Variants in MALRD1 observed in about 807,000 individuals in gnomAD.
MALRD1 encodes the protein MAM and LDL receptor class A domain containing 1.
MALRD1 carries 247 observed loss-of-function variants against 242.1 expected under a neutral mutation model. The ratio of observed to expected loss-of-function variants is 1.02; its 90% CI spans 0.92 to 1.13. The LOEUF (loss-of-function observed/expected upper bound fraction) is 1.13. MALRD1 is among the 50% of genes most tolerant of loss of function. The pLI is 0.00. For missense variants in MALRD1, 2,989 were observed against 2,533.1 expected (o/e 1.18, Z -3.86); for synonymous variants, 995 against 866.6 (o/e 1.15, Z -2.60).
chr10:19,409,087 C>G (rs777654211), intron 28 of MALRD1, among the ~76,000 whole-genome samples: 2 of 152,170 alleles, frequency 1.3e-5, no homozygotes, highest in Admixed American at 6.6e-5. Context: ...ACCCAGATGG[C>G]CTTCAGTGAG....
At chr10:19,097,340 C>A (rs986881599) in intron 4 of MALRD1, among the ~76,000 whole-genome samples, 1 of 151,864 alleles carries the variant, frequency 6.6e-6, no homozygotes, top group Non-Finnish European at 1.5e-5. Flanking sequence ...GAATACATAG[C>A]GGAAAAAAAA....
rs1174673634 is a variant in MALRD1, at chr10:19,148,773, T to TA, written c.1558+2445dup. Among the ~76,000 whole-genome samples, 459 of 114,456 alleles carry TA rather than the reference T, an allele frequency of 4.0e-3. 4 individuals are homozygous for TA. The highest frequency in any genetic ancestry group is 0.011 in the African/African-American group (329 of 30,364). The allele number at this position is 114,456 out of a possible 152,430, so 75.1% of individuals were successfully genotyped here. A position where few individuals can be genotyped will look rare whatever the true frequency, so the allele number is the denominator to read the frequency against. On this transcript the variant is annotated intron_variant, in intron 11 of 39. Transcript: ENST00000454679. The stretch of plus-strand genomic sequence containing the variant: ...CTTTCTCATTTTAGAAAGGGCCAAT[T>TA]AAAAAAAAAAAAAAAATATATATAT...
At chr10:19,407,916 T>C (rs946818668) in intron 28 of MALRD1, among the ~76,000 whole-genome samples, 4 of 152,238 alleles carry the variant, frequency 2.6e-5, no homozygotes, top group East Asian at 1.9e-4. Context: ...AAGCAGAGAG[T>C]TTTGAAACAC....
At chr10:19,674,227 A>T (rs1349108583) in intron 36 of MALRD1, among the ~76,000 whole-genome samples, 1 of 152,224 alleles carries the variant, frequency 6.6e-6, no homozygotes, top group Non-Finnish European at 1.5e-5. Context: ...ATCTCCAGTG[A>T]GTAAGTTCAG....
At position 19,378,006 on chromosome 10, in the gene MALRD1, G is replaced by C. The variant is rs372011300; in HGVS notation, c.4442-9522G>C. On this transcript the variant is annotated intron_variant, in intron 26 of 39. Transcript: ENST00000454679. ...AGAATTCTGTGATTAAAGTAAGCTG[G>C]ACGCACAGATTTTAAAACATAATTG... Among the ~76,000 whole-genome samples, 8 of 152,136 alleles carry C rather than the reference G, an allele frequency of 5.3e-5. No individual in the cohort carries two copies. The East Asian group carries it at 1.5e-3, about 29-fold the overall frequency.
chr10:19,683,367 G>A (rs1404892256), intron 36 of MALRD1, among the ~76,000 whole-genome samples: 2 of 152,232 alleles, frequency 1.3e-5, no homozygotes, highest in Non-Finnish European at 2.9e-5. Flanking sequence ...TGAAGATTGT[G>A]TAGCAAATAG....
At chr10:19,257,548 C>T (rs1839569483) in intron 18 of MALRD1, 136 bp from the exon 19 acceptor site, 1 of 631,648 alleles carries the variant, frequency 1.6e-6, no homozygotes, top group East Asian at 2.9e-5. Flanking sequence ...CTGGAGACTA[C>T]TGCAAAGCAG....
At chr10:19,443,116 A>G (rs953071743) in intron 28 of MALRD1, among the ~76,000 whole-genome samples, 3 of 152,118 alleles carry the variant, frequency 2.0e-5, no homozygotes, top group African/African-American at 7.2e-5. Context: ...AGAGGTGTTT[A>G]TAGTATTCTC....
At chr10:19,255,886 C>A (rs966765960) in intron 18 of MALRD1, among the ~76,000 whole-genome samples, 1 of 151,882 alleles carries the variant, frequency 6.6e-6, no homozygotes, top group African/African-American at 2.4e-5. Flanking sequence ...CTGTTATGGC[C>A]CTCTCTGGGT....
intron 28 of MALRD1, among the ~76,000 whole-genome samples, chr10:19,433,908 A>T (rs1305490049): frequency 6.6e-6 from 1 of 152,086 alleles, no homozygotes; most frequent in African/African-American, 2.4e-5. Context: ...ACACACAGGG[A>T]TATTTATATC....
chr10:19,124,509 T>G lies in MALRD1; in HGVS notation c.797-15T>G. 8.1e-7 allele frequency: 1 copy of G among 1,233,690 alleles called. No homozygotes were observed. The highest frequency in any genetic ancestry group is 3.2e-5 in the East Asian group (1 of 31,694). The allele number at this position is 1,233,690 out of a possible 1,614,324, so 76.4% of individuals were successfully genotyped here. A position where few individuals can be genotyped will look rare whatever the true frequency, so the allele number is the denominator to read the frequency against. On this transcript the variant is annotated splice_polypyrimidine_tract_variant and intron_variant, in intron 6 of 39. Coordinates refer to ENST00000454679, the MANE Select transcript of MALRD1 (RefSeq NM_001142308.3). ...GCAGACTAATAGTCCACCAAGATCT[T>G]TTTCTCCCGTTTAGTGTGTCAGGCC... is the stretch of plus-strand genomic sequence containing the variant.
chr10:19,224,351 A>G (rs1837693523), intron 18 of MALRD1, among the ~76,000 whole-genome samples: 1 of 150,340 alleles, frequency 6.7e-6, no homozygotes, highest in Admixed American at 6.7e-5. Context: ...CAGTGGCACA[A>G]TTTCGGCTCA....
At position 19,734,423 on chromosome 10, in the gene MALRD1, A is replaced by G; in HGVS notation, c.*186A>G. On this transcript the variant is annotated 3_prime_UTR_variant, in exon 40 of 40. Transcript: ENST00000454679. ...AGAATGTTTATATGGAATCAGAATC[A>G]GTACCTTATCTTCACTGAACATCTG... 6.8e-6 allele frequency: 3 copies of G among 443,606 alleles called. No individual in the cohort carries two copies. The highest frequency in any genetic ancestry group is 1.2e-5 in the Non-Finnish European group (3 of 253,532). 27.5% of individuals were successfully genotyped at this position (443,606 alleles called of 1,614,324 possible).
Position 19,104,095 on chromosome 10 carries a change from T to C in MALRD1, c.694+20T>C, listed in dbSNP as rs1256056611. ...CCAATGGTAAGAACTTTTTCTCTCA[T>C]TTTGATCTTTACTGTGTTTAAAGAT... On this transcript the variant is annotated intron_variant, in intron 5 of 39. Transcript: ENST00000454679. 2 of 1,183,710 alleles carry C rather than the reference T, an allele frequency of 1.7e-6. No individual in the cohort carries two copies. The highest frequency in any genetic ancestry group is 1.6e-5 in the African/African-American group (1 of 63,458). 73.3% of individuals were successfully genotyped at this position (1,183,710 alleles called of 1,614,324 possible). A position where few individuals can be genotyped will look rare whatever the true frequency, so the allele number is the denominator to read the frequency against.
At chr10:19,194,428 A>T (rs1435273604) in intron 14 of MALRD1, among the ~76,000 whole-genome samples, 1 of 152,068 alleles carries the variant, frequency 6.6e-6, no homozygotes, top group Non-Finnish European at 1.5e-5. Flanking sequence ...CTTCTTTTTC[A>T]CTGTCAGTCT....
chr10:19,086,166 A>G (rs759559879), intron 2 of MALRD1, among the ~76,000 whole-genome samples: 1 of 152,038 alleles, frequency 6.6e-6, no homozygotes, highest in Admixed American at 6.6e-5. Context: ...TTCATAAGCA[A>G]TCGTTAATAT....
chr10:19,544,121 TTG>T (rs142605797), intron 32 of MALRD1, among the ~76,000 whole-genome samples: 6,640 of 152,010 alleles, frequency 0.044, 466 homozygotes, highest in African/African-American at 0.15. Context: ...GATCTTTTGG[TTG>T]TGTGTTTTCT....
chr10:19,203,094 C>A (rs1416145584), intron 14 of MALRD1, among the ~76,000 whole-genome samples: 2 of 152,044 alleles, frequency 1.3e-5, no homozygotes, highest in Non-Finnish European at 2.9e-5. Flanking sequence ...TATGATTTCC[C>A]TTTCTTTTTC....
At chr10:19,260,630 G>A (rs544345747) in intron 19 of MALRD1, among the ~76,000 whole-genome samples, 44 of 151,976 alleles carry the variant, frequency 2.9e-4, no homozygotes, top group Non-Finnish European at 5.7e-4. Context: ...TATTATAACC[G>A]GCCATTCTTA....
Sources: gnomAD v4.1 joint callset for allele counts (sites outside exome capture counted in the v4.1 genomes callset) on GRCh38, gnomAD v4.1.1 for gene constraint, MANE v1.5 for transcripts, NCBI Gene and HGNC (gene_info 2026-07-23, HGNC 2026-07-21) for gene names.